The following ITPR2 variants were observed in gnomAD, a reference collection of about 807,000 sequenced individuals.
ITPR2 encodes inositol 1,4,5-trisphosphate-gated calcium channel ITPR2.
Under a neutral mutation model 317.1 loss-of-function variants are expected in ITPR2, and 207 were observed. The ratio of observed to expected loss-of-function variants is 0.65; its 90% CI spans 0.58 to 0.73. The LOEUF (loss-of-function observed/expected upper bound fraction) is 0.73, where lower values mean the gene tolerates loss of function less well. Ranked by LOEUF, ITPR2 falls within the 30% of genes least tolerant of loss-of-function variation. ITPR2 has a pLI of 0.00. For synonymous variants in ITPR2, 1,156 were observed against 1,149.1 expected (o/e 1.01, Z -0.12); for missense variants, 2,613 against 3,284.0 (o/e 0.80, Z 4.99).
At chr12:26,617,162 A>G (rs1234879431) in intron 26 of ITPR2, among the ~76,000 whole-genome samples, 1 of 152,156 alleles carries the variant, frequency 6.6e-6, no homozygotes, top group Non-Finnish European at 1.5e-5. Flanking sequence ...TCAAGGGTAA[A>G]CTGTACATAA....
intron 37 of ITPR2, among the ~76,000 whole-genome samples, chr12:26,525,150 G>A (rs1943776952): frequency 6.6e-6 from 1 of 152,134 alleles, no homozygotes; most frequent in African/African-American, 2.4e-5. Context: ...AGATTTTACT[G>A]TAAAATATGG....
chr12:26,626,665 T>C (rs1233500628), intron 23 of ITPR2, among the ~76,000 whole-genome samples: 1 of 152,276 alleles, frequency 6.6e-6, no homozygotes, highest in African/African-American at 2.4e-5. Flanking sequence ...TTAGACAAGC[T>C]CAAGTCCTTC....
chr12:26,510,000 GT>G (rs1565570002), intron 37 of ITPR2, among the ~76,000 whole-genome samples: 9 of 132,082 alleles, frequency 6.8e-5, no homozygotes, highest in East Asian at 2.1e-4. Context: ...GTGTGTGTGT[GT>G]GTGGTGGGGG....
intron 1 of ITPR2, among the ~76,000 whole-genome samples, chr12:26,798,457 AT>A (rs953848778): frequency 6.6e-6 from 1 of 152,136 alleles, no homozygotes; most frequent in African/African-American, 2.4e-5. Context: ...TTTAGCATCT[AT>A]TTTTTTGAAG....
chr12:26,479,115 T>G (rs1942486194), intron 43 of ITPR2, among the ~76,000 whole-genome samples: 1 of 148,708 alleles, frequency 6.7e-6, no homozygotes, highest in African/African-American at 2.5e-5. Flanking sequence ...AAAGATTGTT[T>G]AGAAAACTAC....
chr12:26,812,112 G>A (rs1215256045), intron 1 of ITPR2, among the ~76,000 whole-genome samples: 4 of 148,892 alleles, frequency 2.7e-5, no homozygotes, highest in Admixed American at 6.7e-5. Context: ...GCAGTGAGCC[G>A]AGCTCATCCC....
chr12:26,649,796 G>C (rs562250108), intron 21 of ITPR2, among the ~76,000 whole-genome samples: 1 of 149,542 alleles, frequency 6.7e-6, no homozygotes, highest in African/African-American at 2.5e-5. Context: ...TAGATAGATA[G>C]ATAGATAGAT....
intron 45 of ITPR2, among the ~76,000 whole-genome samples, chr12:26,455,058 T>C (rs527723346): frequency 6.6e-6 from 1 of 152,216 alleles, no homozygotes; most frequent in South Asian, 2.1e-4. Flanking sequence ...TAAAGTGGGT[T>C]AATTAGAGGC....
chr12:26,672,664 T>A, intron 13 of ITPR2, among the ~76,000 whole-genome samples: 1 of 151,382 alleles, frequency 6.6e-6, no homozygotes. Flanking sequence ...AGCAAACACA[T>A]TCAAAAGCTA....
intron 35 of ITPR2, among the ~76,000 whole-genome samples, chr12:26,558,347 C>T (rs1944719505): frequency 6.6e-6 from 1 of 152,144 alleles, no homozygotes. Context: ...ATTGTTTCCC[C>T]ACTTGAAAGC....
intron 37 of ITPR2, among the ~76,000 whole-genome samples, chr12:26,532,592 G>A (rs1439167431): frequency 6.6e-6 from 1 of 152,186 alleles, no homozygotes; most frequent in Non-Finnish European, 1.5e-5. Context: ...TCACAGGCAT[G>A]AGCCACTGTG....
intron 43 of ITPR2, among the ~76,000 whole-genome samples, chr12:26,480,426 T>C (rs1369415184): frequency 6.6e-6 from 1 of 152,170 alleles, no homozygotes; most frequent in Non-Finnish European, 1.5e-5. Flanking sequence ...ACCATAAAAA[T>C]AAAATGCAGC....
intron 55 of ITPR2, among the ~76,000 whole-genome samples, chr12:26,349,425 T>C (rs528298741): frequency 3.0e-4 from 46 of 152,336 alleles, no homozygotes; most frequent in Non-Finnish European, 5.6e-4. Flanking sequence ...TTTGTGTGGA[T>C]TGAGAAATTT....
At chr12:26,351,739 T>TTTTTCCTGTGTTTTTC (rs1938491127) in intron 55 of ITPR2, among the ~76,000 whole-genome samples, 1 of 152,236 alleles carries the variant, frequency 6.6e-6, no homozygotes, top group Non-Finnish European at 1.5e-5. Context: ...CTCTTCCTGC[T>TTTTTCCTGTGTTTTTC]TTTTCCTGTG....
intron 37 of ITPR2, among the ~76,000 whole-genome samples, chr12:26,542,840 TCATTCTA>T (rs1944296829): frequency 1.3e-5 from 2 of 152,206 alleles, no homozygotes; most frequent in African/African-American, 2.4e-5. Flanking sequence ...ATTGTAACTG[TCATTCTA>T]AATAGGTCAA....
At chr12:26,777,812 T>C (rs961588014) in intron 2 of ITPR2, among the ~76,000 whole-genome samples, 1 of 152,184 alleles carries the variant, frequency 6.6e-6, no homozygotes, top group Non-Finnish European at 1.5e-5. Flanking sequence ...ACTACACTAC[T>C]GACAATTTAT....
chr12:26,657,950 A>T (rs1312448086), intron 17 of ITPR2, 58 bp from the exon 18 acceptor site: 1 of 1,604,350 alleles, frequency 6.2e-7, no homozygotes, highest in Admixed American at 1.7e-5. Flanking sequence ...AAATATGACA[A>T]AGAATTACAG....
chr12:26,683,772 C>T (rs1387891508), intron 11 of ITPR2, among the ~76,000 whole-genome samples: 2 of 152,134 alleles, frequency 1.3e-5, no homozygotes, highest in African/African-American at 2.4e-5. Context: ...AGAAAGGACA[C>T]CTAGAACTTC....
rs77922204 is a variant in ITPR2, at chr12:26,776,148, T to C, written c.163+14009A>G. ...CTTCTAACAGTATGGAGAACACTGA[T>C]AGTCCTTAGCATGAGCTGTTTAAAG... On this transcript the variant is annotated intron_variant, in intron 2 of 56. Transcript: ENST00000381340. 8.1e-3 allele frequency among the ~76,000 whole-genome samples: 1,224 copies of C among 152,032 alleles called. 14 individuals carry two copies. Among genetic ancestry groups the C allele is most frequent in the African/African-American group, 0.028 (1,152 of 41,488 alleles).
Sources: allele counts gnomAD v4.1 joint callset (sites outside exome capture counted in the v4.1 genomes callset), GRCh38; gene constraint gnomAD v4.1.1; transcripts MANE v1.5; gene names NCBI Gene and HGNC (gene_info 2026-07-23, HGNC 2026-07-21).